GNE: variants seen among roughly 807,000 people sequenced by gnomAD.
GNE encodes bifunctional UDP-N-acetylglucosamine 2-epimerase/N-acetylmannosamine kinase.
In GNE, 41 loss-of-function variants were observed where a neutral mutation model predicts 61.8. The ratio of observed to expected loss-of-function variants is 0.66; its 90% CI spans 0.52 to 0.86. The LOEUF (loss-of-function observed/expected upper bound fraction) is 0.86, where lower values mean the gene tolerates loss of function less well. Among genes scored for constraint, GNE ranks in the 40% least tolerant of loss-of-function variants. GNE has a pLI of 0.00. For missense variants in GNE, 608 were observed against 909.1 expected (o/e 0.67, Z 4.26); for synonymous variants, 264 against 326.4 (o/e 0.81, Z 2.06).
At chr9:36,220,392 A>G (rs1271251252) in intron 9 of GNE, among the ~76,000 whole-genome samples, 1 of 152,222 alleles carries the variant, frequency 6.6e-6, no homozygotes, top group Non-Finnish European at 1.5e-5. Flanking sequence ...TCAGCCACGC[A>G]GGCACAGCAC....
upstream of GNE, among the ~76,000 whole-genome samples, chr9:36,261,074 C>T (rs1222787847): frequency 6.6e-6 from 1 of 151,994 alleles, no homozygotes; most frequent in African/African-American, 2.4e-5. Flanking sequence ...CACATGGCAC[C>T]TCTGACTTCT....
chr9:36,266,542 G>A (rs1038581174), intron 1 of GNE, among the ~76,000 whole-genome samples: 3 of 152,328 alleles, frequency 2.0e-5, no homozygotes, highest in Middle Eastern at 3.4e-3. Context: ...GGGAGGCCGA[G>A]GCAGGTGGAT....
chr9:36,274,060 C>G (rs2133203576), intron 1 of GNE, among the ~76,000 whole-genome samples: 1 of 148,250 alleles, frequency 6.7e-6, no homozygotes, highest in Non-Finnish European at 1.5e-5. Flanking sequence ...GTGCTTCGGT[C>G]TATGGTACTG....
At chr9:36,224,860 A>G (rs1311655649) in intron 7 of GNE, among the ~76,000 whole-genome samples, 1 of 152,172 alleles carries the variant, frequency 6.6e-6, no homozygotes, top group Non-Finnish European at 1.5e-5. Flanking sequence ...ACAGAGTGAA[A>G]CCCTGTCTCA....
intron 1 of GNE, among the ~76,000 whole-genome samples, chr9:36,268,273 A>G (rs1032824612): frequency 2.0e-5 from 3 of 152,342 alleles, no homozygotes; most frequent in East Asian, 1.9e-4. Flanking sequence ...CAGCCATTCC[A>G]GAAGAACTGG....
chr9:36,223,950 C>T (rs2082794683), intron 7 of GNE, among the ~76,000 whole-genome samples: 1 of 151,948 alleles, frequency 6.6e-6, no homozygotes, highest in Admixed American at 6.6e-5. Context: ...TGGGGTTTCA[C>T]CATGCTGCCC....
upstream of GNE, among the ~76,000 whole-genome samples, chr9:36,261,502 G>A (rs562692372): frequency 7.4e-5 from 11 of 149,360 alleles, no homozygotes; most frequent in South Asian, 1.9e-3. Context: ...GCAGTGAGCC[G>A]AGATCGTGCC....
chr9:36,250,630 G>A (rs1012517678), intron 1 of GNE, among the ~76,000 whole-genome samples: 31 of 151,896 alleles, frequency 2.0e-4, no homozygotes, highest in African/African-American at 6.8e-4. Context: ...CTCATTTTAG[G>A]TCTGGACGAT....
chr9:36,251,302 C>T (rs966057340), intron 1 of GNE, among the ~76,000 whole-genome samples: 27 of 152,162 alleles, frequency 1.8e-4, no homozygotes, highest in Non-Finnish European at 7.3e-5. Flanking sequence ...CACAGATATA[C>T]TGTTGCTCAG....
rs141455782 is a variant in GNE at position 36,230,371 on chromosome 9, C to A, written c.983-1263G>T. Among the ~76,000 whole-genome samples the A allele has an allele frequency of 5.3e-5, 8 of 152,316 alleles. No homozygotes were observed. The East Asian group carries it at 1.5e-3, about 29-fold the overall frequency. The stretch of plus-strand genomic sequence containing the variant: ...AACCTCACTGGTGTTCCTCTTCAGT[C>A]TTCCTTGCTGGCCCTTCCCTCTTCA... On this transcript the variant is annotated intron_variant, in intron 5 of 11. Transcript: ENST00000642385.
intron 2 of GNE, among the ~76,000 whole-genome samples, chr9:36,247,889 G>A (rs1201493115): frequency 6.6e-6 from 1 of 151,830 alleles, no homozygotes; most frequent in Non-Finnish European, 1.5e-5. Context: ...AGCCGGGCAT[G>A]GTGGCGCATG....
In GNE at chr9:36,253,842, A is replaced by G. The variant is rs942935559; in HGVS notation, c.-42-4445T>C. Among the ~76,000 whole-genome samples the G allele has an allele frequency of 2.7e-5, 4 of 149,456 alleles. No homozygotes were observed. In the South Asian group the frequency reaches 8.6e-4, roughly 32 times the overall value. On this transcript the variant is annotated intron_variant, in intron 1 of 11. Transcript: ENST00000642385. ...CACCTGAGGTCACGAGTTGGAGACCAGCCTGGCCAACATGGTGAAACCCCA... is the reference window on the plus strand; with the variant it reads ...CACCTGAGGTCACGAGTTGGAGACCGGCCTGGCCAACATGGTGAAACCCCA...
At chr9:36,224,742 C>T (rs953081961) in intron 7 of GNE, among the ~76,000 whole-genome samples, 1 of 152,016 alleles carries the variant, frequency 6.6e-6, no homozygotes, top group Non-Finnish European at 1.5e-5. Context: ...TGGTGGCACA[C>T]GCCTGTAGTC....
Position 36,227,316 on chromosome 9 carries a change from C to T in GNE, c.1213G>A (p.Glu405Lys). ...TCAACGGCCAAGGCACTTAGAGTTT[C>T]AAGAATATGGTCAATATCTTGAGAG... is the stretch of plus-strand genomic sequence containing the variant. ...NISQDIDHIL[E>K]TLSALAVDLG... Residue 405 changes from glutamate (E) to lysine (K), a missense_variant, in exon 7 of 12, where the codon GAA becomes AAA. Glu to Lys is a moderately conservative substitution (Grantham distance 56). Coordinates refer to ENST00000642385, the MANE Select transcript of GNE (RefSeq NM_005476.7). The T allele has an allele frequency of 6.2e-7, 1 of 1,613,612 alleles. No individual in the cohort carries two copies. Among genetic ancestry groups the T allele is most frequent in the Non-Finnish European group, 8.5e-7 (1 of 1,179,568 alleles).
intron 3 of GNE, among the ~76,000 whole-genome samples, chr9:36,244,561 C>A (rs1829782634): frequency 1.3e-5 from 2 of 152,028 alleles, no homozygotes; most frequent in African/African-American, 4.8e-5. Flanking sequence ...CATCATAATC[C>A]CTTATATTAA....
At chr9:36,272,620 CAAAAAAAAAA>C (rs58934783) in intron 1 of GNE, among the ~76,000 whole-genome samples, 2 of 74,116 alleles carry the variant, frequency 2.7e-5, no homozygotes, top group South Asian at 5.6e-4. Flanking sequence ...GACTCCGCCT[CAAAAAAAAAA>C]AAAAAAAAAA....
intron 1 of GNE, among the ~76,000 whole-genome samples, chr9:36,267,330 A>G (rs1167078732): frequency 2.0e-5 from 3 of 152,214 alleles, no homozygotes; most frequent in African/African-American, 2.4e-5. Context: ...TCCTTTGCCA[A>G]TCATAGAAGA....
intron 1 of GNE, among the ~76,000 whole-genome samples, chr9:36,250,563 T>C (rs1830073542): frequency 3.3e-5 from 5 of 152,184 alleles, no homozygotes; most frequent in Admixed American, 2.0e-4. Context: ...CCCCTAAATA[T>C]CTTTCAAATC....
intron 1 of GNE, among the ~76,000 whole-genome samples, chr9:36,269,664 CTT>C (rs71336438): frequency 2.2e-5 from 3 of 134,294 alleles, no homozygotes; most frequent in Admixed American, 8.1e-5. Context: ...TTTCTTCTTT[CTT>C]TTTTTTTTTT....
Sources: gnomAD v4.1 joint callset for allele counts (sites outside exome capture counted in the v4.1 genomes callset) on GRCh38, gnomAD v4.1.1 for gene constraint, MANE v1.5 for transcripts, NCBI Gene and HGNC (gene_info 2026-07-23, HGNC 2026-07-21) for gene names.